The following HEPACAM2 variants were observed in gnomAD, a reference collection of about 807,000 sequenced individuals.
The protein encoded by HEPACAM2 is mitotic kinetics regulator.
HEPACAM2 carries 49 observed loss-of-function variants against 49.6 expected under a neutral mutation model. That is an observed-to-expected ratio of 0.99 (90% CI 0.78 to 1.25). The LOEUF (loss-of-function observed/expected upper bound fraction) is 1.25, where lower values mean the gene tolerates loss of function less well. HEPACAM2 is among the 50% of genes most tolerant of loss of function. The pLI, the probability that HEPACAM2 is intolerant of heterozygous loss-of-function variation, is 0.00. For missense variants in HEPACAM2, 525 were observed against 557.2 expected (o/e 0.94, Z 0.58); for synonymous variants, 197 against 202.9 (o/e 0.97, Z 0.25).
rs1794087648 is a variant in HEPACAM2, at chr7:93,208,549, T to C, written c.1012+31A>G. 3 of 1,588,198 alleles carry C rather than the reference T, an allele frequency of 1.9e-6. No individual in the cohort carries two copies. In the African/African-American group the frequency reaches 4.0e-5, roughly 21 times the overall value. ...AAGGCCAGCATGCATTCATGTTTTA[T>C]TAGGATCCCTTCCTTGTATGTCACA... On this transcript the variant is annotated intron_variant, in intron 4 of 9. Transcript: ENST00000394468.
intron 4 of HEPACAM2, among the ~76,000 whole-genome samples, chr7:93,203,698 C>T (rs1207322127): frequency 6.6e-6 from 1 of 152,100 alleles, no homozygotes; most frequent in Non-Finnish European, 1.5e-5. Flanking sequence ...GGTGTGGTAT[C>T]CATGGTATCG....
chr7:93,194,921 C>CTTTTTTTTTTTTTTTTTT (rs80158728), intron 8 of HEPACAM2, among the ~76,000 whole-genome samples: 1 of 118,176 alleles, frequency 8.5e-6, no homozygotes, highest in African/African-American at 3.4e-5. Context: ...TTTAAAAGAT[C>CTTTTTTTTTTTTTTTTTT]TTTTTTTTTT....
At chr7:93,211,380 C>G (rs536694020) in intron 3 of HEPACAM2, among the ~76,000 whole-genome samples, 4 of 152,072 alleles carry the variant, frequency 2.6e-5, no homozygotes, top group African/African-American at 4.8e-5. Context: ...GTATAAGAAG[C>G]CTGTTCTCTC....
chr7:93,226,293 A>G (rs569996034), intron 1 of HEPACAM2, 75 bp downstream of exon 1: 2 of 1,106,134 alleles, frequency 1.8e-6, no homozygotes, highest in East Asian at 2.4e-5. Flanking sequence ...CCTAAAGCAA[A>G]TATTTACCTT....
chr7:93,198,885 G>A (rs1040703251), intron 4 of HEPACAM2, among the ~76,000 whole-genome samples: 3 of 152,190 alleles, frequency 2.0e-5, no homozygotes, highest in East Asian at 1.9e-4. Flanking sequence ...CTTTCTCTCA[G>A]TATGAACCTA....
At position 93,192,038 on chromosome 7, in the gene HEPACAM2, C is replaced by T. The variant is rs569689831; in HGVS notation, c.1385+216G>A. Among the ~76,000 whole-genome samples, 3 of 152,192 alleles carry T rather than the reference C, an allele frequency of 2.0e-5. No individual in the cohort carries two copies. In the South Asian group the frequency reaches 6.2e-4, roughly 32 times the overall value. ...TTGATTCTAGAGTTTTGTATCTAGT[C>T]CACTGGCCCAAGTGCATGGCCCTCG... On this transcript the variant is annotated intron_variant, in intron 9 of 9. Coordinates refer to ENST00000394468, the MANE Select transcript of HEPACAM2 (RefSeq NM_001039372.4).
chr7:93,196,130 C>T (rs1412407228), intron 7 of HEPACAM2, among the ~76,000 whole-genome samples: 2 of 152,110 alleles, frequency 1.3e-5, no homozygotes, highest in Non-Finnish European at 2.9e-5. Flanking sequence ...TAAAGCCAGA[C>T]GTGAGAATAG....
Position 93,189,251 on chromosome 7 carries a change from T to C in HEPACAM2, c.*16A>G. 1.9e-6 allele frequency: 3 copies of C among 1,593,860 alleles called. No individual in the cohort carries two copies. The highest frequency in any genetic ancestry group is 2.2e-5 in the South Asian group (2 of 89,598). ...TTCAGAATTTCACTCGAATGTACTG[T>C]TTAGCCCATGAAAGTTCACCTAGTG... On this transcript the variant is annotated 3_prime_UTR_variant, in exon 10 of 10. Transcript: ENST00000394468.
Position 93,217,263 on chromosome 7 carries a change from G to A in HEPACAM2, c.431-1578C>T, listed in dbSNP as rs142575215. The stretch of plus-strand genomic sequence containing the variant: ...AAATAGGTAACACATCAACAGTTTT[G>A]TATGAGAAGAACCAATCATTAGAAT... On this transcript the variant is annotated intron_variant, in intron 2 of 9. Coordinates refer to ENST00000394468, the MANE Select transcript of HEPACAM2 (RefSeq NM_001039372.4). Among the ~76,000 whole-genome samples, 979 of 152,296 alleles carry A rather than the reference G, an allele frequency of 6.4e-3. 9 individuals carry two copies. The highest frequency in any genetic ancestry group is 0.023 in the African/African-American group (937 of 41,552).
intron 4 of HEPACAM2, among the ~76,000 whole-genome samples, chr7:93,205,805 G>A (rs535968979): frequency 3.0e-4 from 45 of 152,210 alleles, no homozygotes; most frequent in Non-Finnish European, 4.1e-4. Flanking sequence ...TGCTGTTTGA[G>A]TTAAAGCTCT....
chr7:93,220,714 A>C (rs1310064458), intron 1 of HEPACAM2, among the ~76,000 whole-genome samples: 1 of 152,226 alleles, frequency 6.6e-6, no homozygotes, highest in African/African-American at 2.4e-5. Context: ...TTGTGGACCC[A>C]TGCATTCACT....
At chr7:93,214,747 A>C (rs1794259721) in intron 3 of HEPACAM2, among the ~76,000 whole-genome samples, 1 of 152,190 alleles carries the variant, frequency 6.6e-6, no homozygotes, top group African/African-American at 2.4e-5. Context: ...AGATTGGTGC[A>C]TAGACTTGCA....
At chr7:93,196,834 C>G (rs1179794332) in intron 7 of HEPACAM2, among the ~76,000 whole-genome samples, 1 of 152,142 alleles carries the variant, frequency 6.6e-6, no homozygotes, top group East Asian at 1.9e-4. Flanking sequence ...TTCCTCTTCT[C>G]TTTGGGATGG....
intron 2 of HEPACAM2, among the ~76,000 whole-genome samples, chr7:93,218,510 T>C (rs1331733974): frequency 6.6e-6 from 1 of 152,114 alleles, no homozygotes; most frequent in African/African-American, 2.4e-5. Flanking sequence ...TTTATTAAAA[T>C]GGGGAATACT....
chr7:93,197,171 A>G (rs1396495493), intron 7 of HEPACAM2, 70 bp downstream of exon 7: 8 of 1,004,136 alleles, frequency 8.0e-6, no homozygotes, highest in African/African-American at 1.7e-5. Flanking sequence ...TTAATAATAT[A>G]TAATAATATT....
chr7:93,224,898 A>T (rs200180372), intron 1 of HEPACAM2, among the ~76,000 whole-genome samples: 1 of 152,314 alleles, frequency 6.6e-6, no homozygotes, highest in East Asian at 1.9e-4. Context: ...AAAATTTTTT[A>T]AAAAGAAGAA....
At chr7:93,227,171 G>A (rs1794557253), upstream of HEPACAM2, among the ~76,000 whole-genome samples, 2 of 152,178 alleles carry the variant, frequency 1.3e-5, no homozygotes, top group South Asian at 4.1e-4. Context: ...CTGATGCATA[G>A]AGGAAGTGAA....
intron 4 of HEPACAM2, among the ~76,000 whole-genome samples, chr7:93,198,782 A>G (rs1793800285): frequency 6.6e-6 from 1 of 152,098 alleles, no homozygotes; most frequent in African/African-American, 2.4e-5. Context: ...CAGCTCTGCA[A>G]TAAATATCCA....
intron 4 of HEPACAM2, among the ~76,000 whole-genome samples, chr7:93,206,294 A>C (rs1794027133): frequency 6.6e-6 from 1 of 152,114 alleles, no homozygotes. Flanking sequence ...ATAAAAATTA[A>C]TAAAATGGAA....
Sources: gnomAD v4.1 joint callset for allele counts (sites outside exome capture counted in the v4.1 genomes callset) on GRCh38, gnomAD v4.1.1 for gene constraint, MANE v1.5 for transcripts, NCBI Gene and HGNC (gene_info 2026-07-23, HGNC 2026-07-21) for gene names.